Variants in CNIH3 observed in about 807,000 individuals in gnomAD.
CNIH3 encodes the protein cornichon family AMPA receptor auxiliary protein 3.
Under a neutral mutation model 24.1 loss-of-function variants are expected in CNIH3, and 14 were observed. That is an observed-to-expected ratio of 0.58 (90% confidence interval 0.38 to 0.91). The LOEUF is 0.91. Ranked by LOEUF, CNIH3 falls within the 40% of genes least tolerant of loss-of-function variation. CNIH3 has a pLI of 0.00. For missense variants in CNIH3, 178 were observed against 196.8 expected (o/e 0.90, Z 0.57); for synonymous variants, 68 against 73.8 (o/e 0.92, Z 0.40).
chr1:224,505,839 C>T (rs1677886305), intron 1 of CNIH3, among the ~76,000 whole-genome samples: 1 of 152,116 alleles, frequency 6.6e-6, no homozygotes, highest in Non-Finnish European at 1.5e-5. Context: ...GGTAAACTGC[C>T]AATTGATTAC....
chr1:224,680,280 A>G (rs930693766), intron 1 of CNIH3, among the ~76,000 whole-genome samples: 1 of 152,098 alleles, frequency 6.6e-6, no homozygotes, highest in Non-Finnish European at 1.5e-5. Flanking sequence ...CCTTCTGTGG[A>G]GGGCCGTGCC....
At chr1:224,645,442 G>A (rs536854190) in intron 1 of CNIH3, among the ~76,000 whole-genome samples, 6 of 152,390 alleles carry the variant, frequency 3.9e-5, no homozygotes, top group East Asian at 1.9e-4. Flanking sequence ...TGGATTGCAC[G>A]CGTGTTACAG....
At chr1:224,707,964 C>T (rs1687914432) in intron 3 of CNIH3, among the ~76,000 whole-genome samples, 1 of 152,128 alleles carries the variant, frequency 6.6e-6, no homozygotes, top group African/African-American at 2.4e-5. Flanking sequence ...CACTAGAATT[C>T]CCACCATCTC....
intron 2 of CNIH3, among the ~76,000 whole-genome samples, chr1:224,523,137 G>A (rs970100062): frequency 6.6e-6 from 1 of 152,076 alleles, no homozygotes; most frequent in African/African-American, 2.4e-5. Context: ...TACTTGGGAG[G>A]CTGAGGCAGA....
chr1:224,463,770 C>CTTATTT (rs1230160919), intron 1 of CNIH3, among the ~76,000 whole-genome samples: 1 of 87,070 alleles, frequency 1.1e-5, no homozygotes, highest in Non-Finnish European at 2.1e-5. Context: ...ATGAATTGTC[C>CTTATTT]TCATTTTTTT....
At chr1:224,675,866 G>A (rs1441085115) in intron 1 of CNIH3, among the ~76,000 whole-genome samples, 1 of 152,212 alleles carries the variant, frequency 6.6e-6, no homozygotes, top group Non-Finnish European at 1.5e-5. Context: ...GCTAGGGTGT[G>A]GAGTCATGGG....
At chr1:224,506,287 G>GCACACACACACA (rs56331612) in intron 1 of CNIH3, among the ~76,000 whole-genome samples, 19 of 147,428 alleles carry the variant, frequency 1.3e-4, no homozygotes, top group African/African-American at 4.3e-4. Flanking sequence ...GCGCGCGCGC[G>GCACACACACACA]CACACACACA....
intron 3 of CNIH3, among the ~76,000 whole-genome samples, chr1:224,564,765 G>A (rs1445608336): frequency 1.3e-5 from 2 of 152,222 alleles, no homozygotes; most frequent in Non-Finnish European, 2.9e-5. Flanking sequence ...CATGTGCCTG[G>A]GTGGGATTGT....
chr1:224,594,661 A>T (rs1028415679), intron 3 of CNIH3, among the ~76,000 whole-genome samples: 3 of 152,184 alleles, frequency 2.0e-5, no homozygotes, highest in African/African-American at 7.2e-5. Context: ...CAGCATAAAC[A>T]GTTTTGGATT....
chr1:224,474,651 A>G (rs1262463676), intron 1 of CNIH3, among the ~76,000 whole-genome samples: 1 of 152,154 alleles, frequency 6.6e-6, no homozygotes. Flanking sequence ...CAAAAGATCA[A>G]TGAAACAAAA....
At chr1:224,674,292 T>C (rs1455125283) in intron 1 of CNIH3, among the ~76,000 whole-genome samples, 1 of 104,774 alleles carries the variant, frequency 9.5e-6, no homozygotes, top group Non-Finnish European at 2.0e-5. Context: ...TTTTTTTTTT[T>C]TTTTTTTTTT....
chr1:224,557,256 C>T (rs1163536644), intron 3 of CNIH3, among the ~76,000 whole-genome samples: 1 of 152,080 alleles, frequency 6.6e-6, no homozygotes, highest in African/African-American at 2.4e-5. Context: ...CTGTGTTGCT[C>T]AGGCTGGTCT....
intron 1 of CNIH3, among the ~76,000 whole-genome samples, chr1:224,680,509 C>T (rs1686347997): frequency 6.6e-6 from 1 of 152,202 alleles, no homozygotes; most frequent in African/African-American, 2.4e-5. Context: ...ACTCTACTGC[C>T]TTGTTTTTCT....
chr1:224,617,647 TA>T (rs1683081324), intron 1 of CNIH3, among the ~76,000 whole-genome samples: 2 of 152,192 alleles, frequency 1.3e-5, no homozygotes, highest in Non-Finnish European at 2.9e-5. Context: ...ACTAAACATT[TA>T]AAATGTCAGC....
chr1:224,469,254 A>AT (rs1162899567), intron 1 of CNIH3, among the ~76,000 whole-genome samples: 1 of 150,934 alleles, frequency 6.6e-6, no homozygotes, highest in East Asian at 1.9e-4. Context: ...CTAATTTTTA[A>AT]TTTTTTTTGT....
chr1:224,564,982 C>T (rs1176324703), intron 3 of CNIH3, among the ~76,000 whole-genome samples: 2 of 152,350 alleles, frequency 1.3e-5, no homozygotes, highest in East Asian at 3.9e-4. Flanking sequence ...ATCCCAGTCC[C>T]CTTCAGTCTC....
At chr1:224,599,050 A>G (rs1682102363) in intron 3 of CNIH3, among the ~76,000 whole-genome samples, 1 of 152,170 alleles carries the variant, frequency 6.6e-6, no homozygotes, top group South Asian at 2.1e-4. Context: ...CTGGACTGCA[A>G]TGTATGCTTA....
chr1:224,514,840 C>G (rs1678315044), upstream of CNIH3, among the ~76,000 whole-genome samples: 1 of 152,158 alleles, frequency 6.6e-6, no homozygotes, highest in Admixed American at 6.5e-5. Flanking sequence ...AAAAAACAAA[C>G]AACAAAAACA....
At chr1:224,472,075 G>C (rs1676396918) in intron 1 of CNIH3, among the ~76,000 whole-genome samples, 1 of 152,134 alleles carries the variant, frequency 6.6e-6, no homozygotes, top group Non-Finnish European at 1.5e-5. Context: ...TTGGGAGGGT[G>C]GGTATTTCCC....
Sources: gnomAD v4.1 joint callset for allele counts (sites outside exome capture counted in the v4.1 genomes callset) on GRCh38, gnomAD v4.1.1 for gene constraint, MANE v1.5 for transcripts, NCBI Gene and HGNC (gene_info 2026-07-23, HGNC 2026-07-21) for gene names.